RFC3: variants seen among roughly 807,000 people sequenced by gnomAD.
RFC3 encodes A1 38 kDa subunit.
Under a neutral mutation model 45.1 loss-of-function variants are expected in RFC3, and 41 were observed. The observed-to-expected ratio is 0.91, with a 90% CI of 0.71 to 1.18. The LOEUF is 1.18. RFC3 is among the 50% of genes most tolerant of loss of function. The probability of loss-of-function intolerance (pLI) is 0.00; values close to 1 mark genes in which losing one functional copy is unlikely to be tolerated. For missense variants in RFC3, 423 were observed against 428.1 expected, an observed-to-expected ratio of 0.99 and a Z score of 0.10; for synonymous variants, 149 against 144.0, an observed-to-expected ratio of 1.03 and a Z score of -0.25.
chr13:33,843,203 CTG>C (rs1491427899), intron 8 of RFC3, among the ~76,000 whole-genome samples: 31 of 39,084 alleles, frequency 7.9e-4, no homozygotes, highest in Non-Finnish European at 2.0e-3. Context: ...CTATTTGCTC[CTG>C]TTTTTTTTTT....
At chr13:33,873,569 G>C (rs1313260639) in intron 8 of RFC3, among the ~76,000 whole-genome samples, 1 of 152,170 alleles carries the variant, frequency 6.6e-6, no homozygotes, top group African/African-American at 2.4e-5. Flanking sequence ...CAAACTGACA[G>C]AGAGAGGATA....
intron 8 of RFC3, among the ~76,000 whole-genome samples, chr13:33,853,666 G>A (rs2082291144): frequency 6.6e-6 from 1 of 152,134 alleles, no homozygotes; most frequent in Non-Finnish European, 1.5e-5. Flanking sequence ...CAACATACAA[G>A]GGGCAGAAAA....
chr13:33,942,300 T>C (rs979902454), intron 8 of RFC3, among the ~76,000 whole-genome samples: 1 of 152,074 alleles, frequency 6.6e-6, no homozygotes, highest in Non-Finnish European at 1.5e-5. Flanking sequence ...AGACTGAAGG[T>C]ATTATTTTAT....
intron 8 of RFC3, among the ~76,000 whole-genome samples, chr13:33,954,921 C>T (rs2083012822): frequency 6.6e-6 from 1 of 152,180 alleles, no homozygotes; most frequent in African/African-American, 2.4e-5. Context: ...ACTGTTGCCT[C>T]TTTTCAAAAT....
chr13:33,841,563 CAT>C (rs1235305872), downstream of RFC3, among the ~76,000 whole-genome samples: 3 of 152,096 alleles, frequency 2.0e-5, no homozygotes, highest in Non-Finnish European at 4.4e-5. Context: ...GTATATAAGA[CAT>C]ATACAAAATG....
rs77172581 is a variant in RFC3 at position 33,943,011 on chromosome 13, G to T, written c.880-23076G>T. On this transcript the variant is annotated intron_variant, in intron 8 of 8. Transcript: ENST00000434425. ...GTGGCTCCCATCAATAATCATTGGA[G>T]AATTTCATAATTTTGATTGTCAAGG... Among the ~76,000 whole-genome samples the T allele has an allele frequency of 4.4e-3, 672 of 152,280 alleles. 8 individuals are homozygous for T. The highest frequency in any genetic ancestry group is 0.015 in the African/African-American group (639 of 41,556).
intron 8 of RFC3, among the ~76,000 whole-genome samples, chr13:33,855,501 A>G (rs1374949149): frequency 6.6e-6 from 1 of 152,190 alleles, no homozygotes; most frequent in Non-Finnish European, 1.5e-5. Context: ...CAGTAATGGG[A>G]TTGCTTGGTG....
At chr13:33,846,079 A>T (rs1351812111) in intron 8 of RFC3, 1 of 152,184 alleles carries the variant, frequency 6.6e-6, no homozygotes, top group Non-Finnish European at 1.5e-5. Context: ...CTAGATTACT[A>T]ATCAGAGACT....
chr13:33,908,640 A>G (rs893722538), intron 8 of RFC3, among the ~76,000 whole-genome samples: 4 of 151,262 alleles, frequency 2.6e-5, no homozygotes, highest in African/African-American at 9.7e-5. Flanking sequence ...ACACACACAC[A>G]CACACACACG....
intron 8 of RFC3, among the ~76,000 whole-genome samples, chr13:33,945,904 C>T (rs918623929): frequency 2.6e-5 from 4 of 152,160 alleles, no homozygotes; most frequent in African/African-American, 7.2e-5. Flanking sequence ...TTTCCTCTTT[C>T]CATTTATCTT....
chr13:33,829,457 A>G (rs2082080931), intron 4 of RFC3: 1 of 207,318 alleles, frequency 4.8e-6, no homozygotes, highest in Non-Finnish European at 9.6e-6. Context: ...AATGATTTCT[A>G]CTACAAAGTG....
At chr13:33,863,232 C>T (rs2082352690) in intron 8 of RFC3, among the ~76,000 whole-genome samples, 1 of 152,054 alleles carries the variant, frequency 6.6e-6, no homozygotes, top group African/African-American at 2.4e-5. Flanking sequence ...CATATATACA[C>T]AATGCACATA....
chr13:33,951,129 TC>T (rs2082988065), intron 8 of RFC3, among the ~76,000 whole-genome samples: 2 of 151,400 alleles, frequency 1.3e-5, no homozygotes, highest in Non-Finnish European at 2.9e-5. Flanking sequence ...GGTTTTCTTT[TC>T]TAATGGGTTT....
intron 8 of RFC3, among the ~76,000 whole-genome samples, chr13:33,935,955 G>A (rs2082883510): frequency 1.3e-5 from 2 of 152,212 alleles, no homozygotes; most frequent in Admixed American, 1.3e-4. Flanking sequence ...AACAGCATGG[G>A]CAGGTCCCCT....
At chr13:33,966,664 A>G (rs1293372789), downstream of RFC3, 1 of 153,332 alleles carries the variant, frequency 6.5e-6, no homozygotes, top group Admixed American at 6.4e-5. Context: ...TTCAAATTAC[A>G]GCTTAGGAAC....
intron 8 of RFC3, among the ~76,000 whole-genome samples, chr13:33,951,505 T>TA (rs1198460928): frequency 6.6e-6 from 1 of 152,184 alleles, no homozygotes; most frequent in Admixed American, 6.5e-5. Flanking sequence ...GTGCTGGTAT[T>TA]ACAGGCATGA....
intron 8 of RFC3, among the ~76,000 whole-genome samples, chr13:33,894,039 T>C (rs888065474): frequency 2.6e-5 from 4 of 152,186 alleles, no homozygotes; most frequent in South Asian, 2.1e-4. Flanking sequence ...TGCTAGTATG[T>C]CTCTTCCACT....
chr13:33,881,814 A>G (rs1414930438), intron 8 of RFC3, among the ~76,000 whole-genome samples: 4 of 152,014 alleles, frequency 2.6e-5, no homozygotes, highest in Admixed American at 1.3e-4. Flanking sequence ...CTGACCTTGA[A>G]CATGTTCTTC....
At chr13:33,869,362 A>G (rs2082393269) in intron 8 of RFC3, among the ~76,000 whole-genome samples, 1 of 151,514 alleles carries the variant, frequency 6.6e-6, no homozygotes, top group African/African-American at 2.4e-5. Context: ...GGGAACCACA[A>G]AAAATTGAGA....
Sources: allele counts gnomAD v4.1 joint callset (sites outside exome capture counted in the v4.1 genomes callset), GRCh38; gene constraint gnomAD v4.1.1; transcripts MANE v1.5; gene names NCBI Gene and HGNC (gene_info 2026-07-23, HGNC 2026-07-21).